The following GARS1 variants were observed in gnomAD, a reference collection of about 807,000 sequenced individuals.
The protein encoded by GARS1 is glycyl-tRNA synthetase 1.
In GARS1, 46 loss-of-function variants were observed where a neutral mutation model predicts 86.4. That is an observed-to-expected ratio of 0.53 (90% CI 0.42 to 0.68). The LOEUF is 0.68. Ranked by LOEUF, GARS1 falls within the 30% of genes least tolerant of loss-of-function variation. The pLI is 0.00. For missense variants in GARS1, 797 were observed against 915.6 expected, an observed-to-expected ratio of 0.87 and a Z score of 1.67; for synonymous variants, 342 against 329.8, an observed-to-expected ratio of 1.04 and a Z score of -0.40.
rs77680010 is a variant in GARS1 at position 30,619,488 on chromosome 7, C to T, written c.1360-1905C>T. 6.5e-3 allele frequency among the ~76,000 whole-genome samples: 997 copies of T among 152,240 alleles called. 4 individuals are homozygous for T. Among genetic ancestry groups the T allele is most frequent in the Non-Finnish European group, 0.011 (780 of 68,004 alleles). ...ATCCCAATGTTGTTATTCTCAGGCA[C>T]GTTTTTGTAATTTTACCTTTCAGTA... On this transcript the variant is annotated intron_variant, in intron 10 of 16. Coordinates refer to ENST00000389266, the MANE Select transcript of GARS1 (RefSeq NM_002047.4).
intron 6 of GARS1, among the ~76,000 whole-genome samples, chr7:30,609,132 GCACATTTAATTACT>G (rs1176932026): frequency 6.6e-6 from 1 of 152,152 alleles, no homozygotes; most frequent in African/African-American, 2.4e-5. Context: ...AAAGTTCAAT[GCACATTTAATTACT>G]CCATTGAGGA....
chr7:30,631,344 T>G (rs1404702637), intron 14 of GARS1, 104 bp from the exon 15 acceptor site: 1 of 865,372 alleles, frequency 1.2e-6, no homozygotes, highest in Non-Finnish European at 1.9e-6. Context: ...AATGACGTTA[T>G]GCTTGAACAC....
In GARS1 at chr7:30,632,064, G is replaced by A; in HGVS notation, c.1904-183G>A. 1 of 646,920 alleles carries A rather than the reference G, an allele frequency of 1.5e-6. No individual in the cohort carries two copies. Among genetic ancestry groups the A allele is most frequent in the South Asian group, 1.8e-5 (1 of 55,686 alleles). 40.1% of individuals were successfully genotyped at this position (646,920 alleles called of 1,614,324 possible). A position where few individuals can be genotyped will look rare whatever the true frequency, so the allele number is the denominator to read the frequency against. On this transcript the variant is annotated intron_variant, in intron 15 of 16. Coordinates refer to ENST00000389266, the MANE Select transcript of GARS1 (RefSeq NM_002047.4). This position sits in a 1 kb window ranked among gnomAD's most constrained non-coding sequence, Gnocchi z 4.1. ...TGTATCAGATGGAGGTATGAGTGAA[G>A]ATTTGGATTCCCGCAAGGGATTTAT...
intron 2 of GARS1, 35 bp from the exon 3 acceptor site, chr7:30,599,912 C>T: frequency 7.5e-7 from 1 of 1,339,778 alleles, no homozygotes; most frequent in Non-Finnish European, 1.1e-6. Context: ...CCACCCACCC[C>T]TCCACTCACT....
intron 12 of GARS1, among the ~76,000 whole-genome samples, chr7:30,625,491 G>A (rs954613330): frequency 6.6e-6 from 1 of 152,094 alleles, no homozygotes; most frequent in African/African-American, 2.4e-5. Context: ...AACCACATGA[G>A]GGCTCTCTAT....
chr7:30,603,219 C>A, intron 5 of GARS1, 97 bp downstream of exon 5: 1 of 1,041,294 alleles, frequency 9.6e-7, no homozygotes, highest in Non-Finnish European at 1.5e-6. Context: ...TGAGGCATAA[C>A]ATTCAAAGAG....
chr7:30,598,960 T>C (rs1791320173), intron 2 of GARS1, 63 bp downstream of exon 2: 3 of 1,312,230 alleles, frequency 2.3e-6, no homozygotes, highest in South Asian at 2.4e-5. Context: ...CTTTAATTTC[T>C]TTGGATGGGA....
chr7:30,602,942 A>G, intron 4 of GARS1, 92 bp from the exon 5 acceptor site: 1 of 887,580 alleles, frequency 1.1e-6, no homozygotes, highest in South Asian at 1.3e-5. Context: ...TTTGAGATGG[A>G]TATAAATATT....
In GARS1 at chr7:30,595,025, C is replaced by T. The variant is rs770934994; in HGVS notation, c.104C>T (p.Ser35Phe). Reference sequence around the variant, plus strand: ...CGACCCTCGCTCCTGCTCCGCCGGTCCCTCAGCGCGGCCTCCTGCCCCCCG... The same window carrying T: ...CGACCCTCGCTCCTGCTCCGCCGGTTCCTCAGCGCGGCCTCCTGCCCCCCG... ...LARPSLLLRR[S>F]LSAASCPPIS... The change falls in exon 1 of 17, where the codon TCC becomes TTC. Residue 35 changes from serine to phenylalanine, a missense_variant. Physicochemically the swap from Ser to Phe is radical, Grantham distance 155. Transcript: ENST00000389266. 5.1e-6 allele frequency: 8 copies of T among 1,577,344 alleles called. No homozygotes were observed. The African/African-American group carries it at 6.7e-5, about 13-fold the overall frequency.
rs1783261925 is a variant in GARS1 at position 30,632,733 on chromosome 7, T to C, written c.2094+296T>C. Among the ~76,000 whole-genome samples the C allele has an allele frequency of 6.6e-6, 1 of 152,244 alleles. No homozygotes were observed. Among genetic ancestry groups the C allele is most frequent in the African/African-American group, 2.4e-5 (1 of 41,454 alleles). On this transcript the variant is annotated intron_variant, in intron 16 of 16. Coordinates refer to ENST00000389266, the MANE Select transcript of GARS1 (RefSeq NM_002047.4). The surrounding 1 kb of genome is among the most constrained non-coding windows in gnomAD (Gnocchi z 4.1). ...GCAAGAGAAATATGATCCTAAGAATTTGTTGCCATAGTTTTATTGGTAGGC... is the reference window on the plus strand; with the variant it reads ...GCAAGAGAAATATGATCCTAAGAATCTGTTGCCATAGTTTTATTGGTAGGC...
chr7:30,609,469 A>G, intron 6 of GARS1, 116 bp from the exon 7 acceptor site: 1 of 828,618 alleles, frequency 1.2e-6, no homozygotes, highest in Non-Finnish European at 2.0e-6. Context: ...GTTAATTGTG[A>G]TGTTCCTGAA....
chr7:30,617,119 GATTAATAAC>G lies in GARS1; in HGVS notation c.1202_1210del (p.Ile401_Asn403del), dbSNP rs750231691. 2 of 1,614,028 alleles carry G rather than the reference GATTAATAAC, an allele frequency of 1.2e-6. No homozygotes were observed. The highest frequency in any genetic ancestry group is 8.5e-7 in the Non-Finnish European group (1 of 1,179,978). On this transcript the variant is annotated inframe_deletion, in exon 10 of 17. Coordinates refer to ENST00000389266, the MANE Select transcript of GARS1 (RefSeq NM_002047.4). The stretch of plus-strand genomic sequence containing the variant: ...TTGCTTATTGGTTGGTTTAGGGTGT[GATTAATAAC>G]ACAGTATTAGGCTATTTCATTGGCC...
At chr7:30,613,269 A>G (rs562160801) in intron 8 of GARS1, among the ~76,000 whole-genome samples, 1 of 152,334 alleles carries the variant, frequency 6.6e-6, no homozygotes, top group Admixed American at 6.5e-5. Context: ...GAATGTGCCC[A>G]ACTTAGAGAA....
At chr7:30,602,496 A>G (rs961885598) in intron 4 of GARS1, among the ~76,000 whole-genome samples, 1 of 152,216 alleles carries the variant, frequency 6.6e-6, no homozygotes, top group African/African-American at 2.4e-5. Context: ...GCCAATGAAG[A>G]GGAGGAATTC....
At chr7:30,596,565 G>GT (rs1791251397) in intron 1 of GARS1, among the ~76,000 whole-genome samples, 2 of 152,066 alleles carry the variant, frequency 1.3e-5, no homozygotes, top group South Asian at 4.1e-4. Context: ...TCCATCGGTA[G>GT]TTAAGACAGG....
intron 6 of GARS1, among the ~76,000 whole-genome samples, chr7:30,605,745 T>G (rs1791471300): frequency 6.6e-6 from 1 of 152,148 alleles, no homozygotes; most frequent in South Asian, 2.1e-4. Flanking sequence ...TCATTATCTA[T>G]CTCTAAAAGA....
chr7:30,609,995 G>A (rs1470211402), intron 7 of GARS1, among the ~76,000 whole-genome samples: 2 of 152,090 alleles, frequency 1.3e-5, no homozygotes, highest in African/African-American at 4.8e-5. Context: ...AGCTGCATAG[G>A]GTAGAAGGGA....
intron 6 of GARS1, among the ~76,000 whole-genome samples, chr7:30,605,860 T>A (rs1791473681): frequency 6.6e-6 from 1 of 152,190 alleles, no homozygotes; most frequent in Admixed American, 6.5e-5. Context: ...AGTGTTCATG[T>A]TTTCTAGGCT....
chr7:30,599,677 A>G (rs772145742), intron 2 of GARS1, among the ~76,000 whole-genome samples: 15 of 152,182 alleles, frequency 9.9e-5, no homozygotes, highest in Non-Finnish European at 1.9e-4. Flanking sequence ...TACTGGGATT[A>G]CAGGTGTGAG....
Sources: allele counts gnomAD v4.1 joint callset (sites outside exome capture counted in the v4.1 genomes callset), GRCh38; gene constraint gnomAD v4.1.1; non-coding constraint Gnocchi (gnomAD v3.1); transcripts MANE v1.5; gene names NCBI Gene and HGNC (gene_info 2026-07-23, HGNC 2026-07-21).